FAM135A: variants seen among roughly 807,000 people sequenced by gnomAD.
The protein encoded by FAM135A is protein FAM135A.
In FAM135A, 79 loss-of-function variants were observed where a neutral mutation model predicts 146.8. The ratio of observed to expected loss-of-function variants is 0.54; its 90% CI spans 0.45 to 0.65. The LOEUF (loss-of-function observed/expected upper bound fraction) is 0.65. Among genes scored for constraint, FAM135A ranks in the 30% least tolerant of loss-of-function variants. FAM135A has a pLI of 0.00. For missense variants in FAM135A, 1,623 were observed against 1,758.2 expected (o/e 0.92, Z 1.38); for synonymous variants, 562 against 603.6 (o/e 0.93, Z 1.01).
Position 70,536,444 on chromosome 6 carries a change from T to C in FAM135A, c.4117+33T>C, listed in dbSNP as rs756085109. 4.7e-6 allele frequency: 7 copies of C among 1,483,942 alleles called. No homozygotes were observed. The South Asian group carries it at 8.7e-5, about 19-fold the overall frequency. The allele number at this position is 1,483,942 out of a possible 1,614,324, so 91.9% of individuals were successfully genotyped here. On this transcript the variant is annotated intron_variant, in intron 19 of 21. Coordinates refer to ENST00000418814, the MANE Select transcript of FAM135A (RefSeq NM_001162529.3). ...GTTTTATTGTTCTGTATTAAAAATA[T>C]GGAATAGGGAGAAAAATATGAACTT...
chr6:70,430,932 G>A (rs1029512670), intron 4 of FAM135A, among the ~76,000 whole-genome samples: 1 of 152,002 alleles, frequency 6.6e-6, no homozygotes, highest in South Asian at 2.1e-4. Flanking sequence ...GGCGTTTTTG[G>A]TATTCTGCTT....
chr6:70,475,583 T>C (rs41265351), intron 6 of FAM135A, 34 bp downstream of exon 6: 30 of 1,574,664 alleles, frequency 1.9e-5, no homozygotes, highest in Non-Finnish European at 2.5e-5. Context: ...TATGTAAATA[T>C]TTTTTGTAAT....
chr6:70,429,830 T>C lies in FAM135A; in HGVS notation c.77+1411T>C, dbSNP rs138098729. Among the ~76,000 whole-genome samples, 21 of 151,380 alleles carry C rather than the reference T, an allele frequency of 1.4e-4. No individual in the cohort carries two copies. In the East Asian group the frequency reaches 3.9e-3, roughly 28 times the overall value. ...AGGCACTTGATAGTAACTCAAGATA[T>C]AAATCTGGAGATCTATACAAAGAGT... On this transcript the variant is annotated intron_variant, in intron 4 of 21. Transcript: ENST00000418814.
At chr6:70,421,585 C>A (rs928243938) in intron 2 of FAM135A, among the ~76,000 whole-genome samples, 1 of 152,176 alleles carries the variant, frequency 6.6e-6, no homozygotes, top group Non-Finnish European at 1.5e-5. Context: ...GGGCTTTTCA[C>A]GTAAGTTTCT....
intron 4 of FAM135A, among the ~76,000 whole-genome samples, chr6:70,445,671 GT>G: frequency 6.6e-6 from 1 of 152,206 alleles, no homozygotes; most frequent in Non-Finnish European, 1.5e-5. Flanking sequence ...ATTGTTTGTG[GT>G]TTAAGAACGC....
intron 10 of FAM135A, chr6:70,486,142 T>A (rs377003711): frequency 2.2e-5 from 35 of 1,607,188 alleles, no homozygotes; most frequent in Admixed American, 2.0e-4. Flanking sequence ...TAGTAACTAG[T>A]GCTGTGTGCA....
chr6:70,532,593 A>C (rs1796026339), intron 16 of FAM135A, among the ~76,000 whole-genome samples: 2 of 152,156 alleles, frequency 1.3e-5, no homozygotes, highest in African/African-American at 4.8e-5. Context: ...TTGATAAATA[A>C]ATACACTGTT....
chr6:70,545,282 T>C (rs942463516), intron 20 of FAM135A, among the ~76,000 whole-genome samples: 2 of 152,182 alleles, frequency 1.3e-5, no homozygotes, highest in Non-Finnish European at 2.9e-5. Flanking sequence ...TATACCTGAA[T>C]TGAATTAATA....
Position 70,524,831 on chromosome 6 carries a change from A to G in FAM135A, c.1747A>G (p.Thr583Ala). Residue 583 changes from threonine to alanine, a missense_variant, in exon 15 of 22, where the codon ACT becomes GCT. Physicochemically the swap from Thr to Ala is moderately conservative, Grantham distance 58 (BLOSUM62 0). Around this residue, in one of 7 missense-constraint regions of FAM135A, gnomAD observed 1,061 missense variants for 1,113.8 expected, o/e 0.95. Transcript: ENST00000418814. ...ASCLPTNTER[T>A]EQKSPDIENV... ...CTGTTTGCCAACTAATACAGAGAGAACTGAACAAAAGTCTCCAGATATTGA... is the reference window on the plus strand; with the variant it reads ...CTGTTTGCCAACTAATACAGAGAGAGCTGAACAAAAGTCTCCAGATATTGA... 2 of 1,576,082 alleles carry G rather than the reference A, an allele frequency of 1.3e-6. No homozygotes were observed. The highest frequency in any genetic ancestry group is 2.4e-5 in the East Asian group (1 of 41,966).
At chr6:70,443,142 A>AT (rs1459573766) in intron 4 of FAM135A, among the ~76,000 whole-genome samples, 16 of 152,216 alleles carry the variant, frequency 1.1e-4, no homozygotes, top group African/African-American at 3.4e-4. Context: ...GGGTTGTGCC[A>AT]TTTTTGATCT....
In FAM135A at chr6:70,477,318, C is replaced by T. The variant is rs772863026; in HGVS notation, c.528C>T (p.His176=). ...TTCATGCATCATTGGTTGCACTACA[C>T]CAGCCACTAATAAGGTAAATTTGAC... ...VTVHASLVAL[H]QPLISFPRPV... The change falls in exon 8 of 22, where the codon CAC becomes CAT. Residue 176 remains histidine (H), a synonymous_variant. Coordinates refer to ENST00000418814, the MANE Select transcript of FAM135A (RefSeq NM_001162529.3). The T allele has an allele frequency of 6.2e-7, 1 of 1,612,344 alleles. No individual in the cohort carries two copies. Among genetic ancestry groups the T allele is most frequent in the Non-Finnish European group, 8.5e-7 (1 of 1,179,236 alleles).
intron 5 of FAM135A, among the ~76,000 whole-genome samples, chr6:70,457,040 C>A (rs1401154554): frequency 3.3e-5 from 5 of 152,196 alleles, no homozygotes; most frequent in Admixed American, 3.3e-4. Context: ...TCAGCAACTT[C>A]TGGACCTTTA....
In FAM135A at chr6:70,538,404, A is replaced by G; in HGVS notation, c.4228+3A>G. On this transcript the variant is annotated splice_donor_region_variant and intron_variant, in intron 20 of 21. Coordinates refer to ENST00000418814, the MANE Select transcript of FAM135A (RefSeq NM_001162529.3). The stretch of plus-strand genomic sequence containing the variant: ...ATATAAGCTTAGTAACAAAGCAGGT[A>G]AGTATATAATAACAGTTTGGAAAAT... 1 of 1,459,854 alleles carries G rather than the reference A, an allele frequency of 6.9e-7. No individual in the cohort carries two copies. The highest frequency in any genetic ancestry group is 1.5e-5 in the South Asian group (1 of 66,538). 90.4% of individuals were successfully genotyped at this position (1,459,854 alleles called of 1,614,324 possible).
intron 4 of FAM135A, among the ~76,000 whole-genome samples, chr6:70,433,366 G>T (rs932961603): frequency 2.0e-5 from 3 of 152,026 alleles, no homozygotes; most frequent in African/African-American, 7.3e-5. Flanking sequence ...GAGCCACCGC[G>T]CCCGGCCTTC....
At chr6:70,529,605 A>T (rs966757545) in intron 16 of FAM135A, among the ~76,000 whole-genome samples, 3 of 152,128 alleles carry the variant, frequency 2.0e-5, no homozygotes, top group Non-Finnish European at 4.4e-5. Context: ...AAATTTTAAG[A>T]AGCAAATTAT....
At chr6:70,417,303 T>G (rs911232395) in intron 2 of FAM135A, among the ~76,000 whole-genome samples, 5 of 151,044 alleles carry the variant, frequency 3.3e-5, no homozygotes, top group African/African-American at 9.7e-5. Context: ...TGCCTCTACC[T>G]CCCGGATTCA....
intron 16 of FAM135A, among the ~76,000 whole-genome samples, chr6:70,532,850 C>G (rs575474692): frequency 6.6e-6 from 1 of 151,634 alleles, no homozygotes. Flanking sequence ...GAGAATCGCT[C>G]GAACCCAGGA....
chr6:70,552,728 A>T (rs929335734), intron 20 of FAM135A, among the ~76,000 whole-genome samples: 5 of 152,054 alleles, frequency 3.3e-5, no homozygotes, highest in Admixed American at 2.6e-4. Flanking sequence ...TCGGCCTCCC[A>T]AAGTGCTAGG....
intron 4 of FAM135A, among the ~76,000 whole-genome samples, chr6:70,430,221 C>G (rs1285264865): frequency 6.6e-6 from 1 of 151,998 alleles, no homozygotes; most frequent in African/African-American, 2.4e-5. Context: ...CCTGTAATCC[C>G]AGCTACTCGG....
Sources: gnomAD v4.1 joint callset for allele counts (sites outside exome capture counted in the v4.1 genomes callset) on GRCh38, gnomAD v4.1.1 for gene constraint, gnomAD v4.1.1 regional missense constraint, MANE v1.5 for transcripts, NCBI Gene and HGNC (gene_info 2026-07-23, HGNC 2026-07-21) for gene names.